Variants in NPNT observed in about 807,000 individuals in gnomAD.
NPNT encodes the protein preosteoblast EGF-like repeat protein with MAM domain.
NPNT carries 45 observed loss-of-function variants against 68.6 expected under a neutral mutation model. That is an observed-to-expected ratio of 0.66 (90% CI 0.52 to 0.84). NPNT has a LOEUF of 0.84. Among genes scored for constraint, NPNT ranks in the 40% least tolerant of loss-of-function variants. The pLI is 0.00. For missense variants in NPNT, 672 were observed against 714.8 expected, an observed-to-expected ratio of 0.94 and a Z score of 0.68; for synonymous variants, 233 against 253.3, an observed-to-expected ratio of 0.92 and a Z score of 0.76.
At chr4:105,915,670 G>A (rs935502550) in intron 2 of NPNT, among the ~76,000 whole-genome samples, 8 of 152,174 alleles carry the variant, frequency 5.3e-5, no homozygotes, top group African/African-American at 1.9e-4. Flanking sequence ...ACATCATTTG[G>A]TGAGCTAGAG....
intron 10 of NPNT, among the ~76,000 whole-genome samples, chr4:105,963,139 C>A (rs946149510): frequency 6.6e-6 from 1 of 152,006 alleles, no homozygotes. Flanking sequence ...GCAGGAGAAT[C>A]GCTTGAGCCT....
At position 105,911,678 on chromosome 4, in the gene NPNT, A is replaced by G. The variant is rs540322965; in HGVS notation, c.172+13677A>G. The stretch of plus-strand genomic sequence containing the variant: ...TGCTGTGGAAGGGAAGAAAAAAATT[A>G]TATTTCCTCCCCAAAGTTGGAGAGA... On this transcript the variant is annotated intron_variant, in intron 2 of 11. Coordinates refer to ENST00000379987, the MANE Select transcript of NPNT (RefSeq NM_001033047.3). 52 of 153,490 alleles carry G rather than the reference A, an allele frequency of 3.4e-4. 1 individual carries two copies. The South Asian group carries it at 0.01, about 31-fold the overall frequency. 9.5% of individuals were successfully genotyped at this position (153,490 alleles called of 1,614,324 possible). A position where few individuals can be genotyped will look rare whatever the true frequency, so the allele number is the denominator to read the frequency against.
At chr4:105,940,677 A>G (rs755992050) in intron 7 of NPNT, 41 bp downstream of exon 7, 10 of 1,590,936 alleles carry the variant, frequency 6.3e-6, no homozygotes, top group African/African-American at 2.7e-5. Flanking sequence ...TCTAGCAGGA[A>G]ATACAGGATT....
intron 2 of NPNT, among the ~76,000 whole-genome samples, chr4:105,905,711 C>A (rs904533587): frequency 1.2e-4 from 18 of 152,168 alleles, no homozygotes; most frequent in Admixed American, 1.2e-3. Flanking sequence ...ACATAACATG[C>A]TGCAATCAAT....
chr4:105,897,828 A>G (rs1437350652), intron 1 of NPNT, 73 bp from the exon 2 acceptor site: 12 of 1,212,804 alleles, frequency 9.9e-6, no homozygotes, highest in Non-Finnish European at 1.4e-5. Flanking sequence ...TTTTTTCTGA[A>G]GTAATAATAC....
Position 105,971,059 on chromosome 4 carries a change from G to C in NPNT, c.*2069G>C, listed in dbSNP as rs905395978. On this transcript the variant is annotated 3_prime_UTR_variant, in exon 12 of 12. Coordinates refer to ENST00000379987, the MANE Select transcript of NPNT (RefSeq NM_001033047.3). Reference sequence around the variant, plus strand: ...TTTTCAATGTTTCTTCATGTTAAAGGTATAAGCCTTTCATTTGTTCAATGG... The same window carrying C: ...TTTTCAATGTTTCTTCATGTTAAAGCTATAAGCCTTTCATTTGTTCAATGG... 1 of 418,558 alleles carries C rather than the reference G, an allele frequency of 2.4e-6. No individual in the cohort carries two copies. The highest frequency in any genetic ancestry group is 4.9e-6 in the Non-Finnish European group (1 of 205,292). The allele number at this position is 418,558 out of a possible 1,614,324, so 25.9% of individuals were successfully genotyped here. A position where few individuals can be genotyped will look rare whatever the true frequency, so the allele number is the denominator to read the frequency against.
In NPNT at chr4:105,940,055, C is replaced by T. The variant is rs201463569; in HGVS notation, c.506-20C>T. 1 of 1,609,974 alleles carries T rather than the reference C, an allele frequency of 6.2e-7. No individual in the cohort carries two copies. The highest frequency in any genetic ancestry group is 2.2e-5 in the East Asian group (1 of 44,842). On this transcript the variant is annotated intron_variant, in intron 5 of 11. Coordinates refer to ENST00000379987, the MANE Select transcript of NPNT (RefSeq NM_001033047.3). ...ACATACCCTTGCTCTTCCTAAAATGCTATTGACTTATGTTTCTAGATGTTG... is the reference window on the plus strand; with the variant it reads ...ACATACCCTTGCTCTTCCTAAAATGTTATTGACTTATGTTTCTAGATGTTG...
At chr4:105,906,500 C>CA (rs112562742) in intron 2 of NPNT, among the ~76,000 whole-genome samples, 21,640 of 152,162 alleles carry the variant, frequency 0.14, 3,226 homozygotes, top group African/African-American at 0.38. Flanking sequence ...AGCTTTCTGA[C>CA]GTTCAGCTAG....
At chr4:105,911,338 A>C (rs1047323931) in intron 2 of NPNT, among the ~76,000 whole-genome samples, 16 of 152,076 alleles carry the variant, frequency 1.1e-4, no homozygotes, top group Non-Finnish European at 1.5e-5. Context: ...TTTTCTTCTT[A>C]TATTACCCAA....
At position 105,971,252 on chromosome 4, in the gene NPNT, G is replaced by A; in HGVS notation, c.*2262G>A. ...GACCTTTCCTTCACCTCATCAGTAT[G>A]ATTCAGTTTCTCTTATCAATTGGAC... On this transcript the variant is annotated 3_prime_UTR_variant, in exon 12 of 12. Coordinates refer to ENST00000379987, the MANE Select transcript of NPNT (RefSeq NM_001033047.3). 2.4e-6 allele frequency: 1 copy of A among 420,246 alleles called. No homozygotes were observed. Among genetic ancestry groups the A allele is most frequent in the Non-Finnish European group, 4.9e-6 (1 of 204,638 alleles). 26.0% of individuals were successfully genotyped at this position (420,246 alleles called of 1,614,324 possible).
chr4:105,942,136 T>TATAC (rs140603677), intron 7 of NPNT, among the ~76,000 whole-genome samples, 171 bp from the exon 8 acceptor site: 1 of 147,740 alleles, frequency 6.8e-6, no homozygotes, highest in East Asian at 2.0e-4. Context: ...TATATATATA[T>TATAC]ACACACATAT....
rs1162855852 is a variant in NPNT, at chr4:105,971,439, C to T, written c.*2449C>T. 1.9e-5 allele frequency: 4 copies of T among 215,294 alleles called. No homozygotes were observed. The highest frequency in any genetic ancestry group is 3.9e-5 in the Non-Finnish European group (4 of 101,890). The allele number at this position is 215,294 out of a possible 1,614,324, so 13.3% of individuals were successfully genotyped here. On this transcript the variant is annotated 3_prime_UTR_variant, in exon 12 of 12. Coordinates refer to ENST00000379987, the MANE Select transcript of NPNT (RefSeq NM_001033047.3). ...GGCTGTAGATCCATTTTTAATGGTT[C>T]ATTTCCTTTATGGTCATATAACTGC...
chr4:105,926,711 G>A (rs752525806), intron 2 of NPNT, among the ~76,000 whole-genome samples: 4 of 152,156 alleles, frequency 2.6e-5, no homozygotes, highest in Non-Finnish European at 5.9e-5. Flanking sequence ...AACTGAGAAC[G>A]TCCTATTTGC....
chr4:105,908,932 G>A (rs1178979143), intron 2 of NPNT, among the ~76,000 whole-genome samples: 1 of 152,172 alleles, frequency 6.6e-6, no homozygotes, highest in Non-Finnish European at 1.5e-5. Flanking sequence ...GGTCAAAGGT[G>A]TGTGTTGCTG....
intron 4 of NPNT, 66 bp from the exon 5 acceptor site, chr4:105,938,235 C>G (rs1729647368): frequency 2.6e-6 from 4 of 1,536,422 alleles, no homozygotes; most frequent in Non-Finnish European, 2.7e-6. Context: ...AGTGAAAAAA[C>G]ATAGCTATTT....
chr4:105,914,367 C>G (rs547616966), intron 2 of NPNT, among the ~76,000 whole-genome samples: 2 of 134,494 alleles, frequency 1.5e-5, no homozygotes, highest in South Asian at 4.7e-4. Context: ...CTCTCTCTCT[C>G]TCTCTCTATA....
Position 105,942,676 on chromosome 4 carries a change from C to G in NPNT, c.1133C>G (p.Pro378Arg). 1 of 1,612,226 alleles carries G rather than the reference C, an allele frequency of 6.2e-7. No homozygotes were observed. Among genetic ancestry groups the G allele is most frequent in the Non-Finnish European group, 8.5e-7 (1 of 1,179,150 alleles). The stretch of plus-strand genomic sequence containing the variant: ...GTTGACAACAGGGTACAGACAGACC[C>G]TCAGAAACCCAGAGGAGATGTGTTC... ...ITVDNRVQTD[P>R]QKPRGDVFIP... Residue 378 changes from proline to arginine, a missense_variant, in exon 8 of 12, where the codon CCT becomes CGT. Physicochemically the swap from Pro to Arg is moderately radical, Grantham distance 103. Transcript: ENST00000379987.
At chr4:105,909,556 T>C (rs1727186724) in intron 2 of NPNT, among the ~76,000 whole-genome samples, 1 of 152,230 alleles carries the variant, frequency 6.6e-6, no homozygotes, top group Non-Finnish European at 1.5e-5. Context: ...TTAATAGTTC[T>C]AAAGTAGTGT....
At position 105,971,374 on chromosome 4, in the gene NPNT, AAAAT is replaced by A. The variant is rs897904729; in HGVS notation, c.*2389_*2392del. On this transcript the variant is annotated 3_prime_UTR_variant, in exon 12 of 12. Transcript: ENST00000379987. ...CTGGTAAAGGCAGGGCTGGAGGGGGAAAATAAATCATTAAGCCTTTGAGTAACGG... is the reference window on the plus strand; with the variant it reads ...CTGGTAAAGGCAGGGCTGGAGGGGGAAAATCATTAAGCCTTTGAGTAACGG... 6.4e-5 allele frequency: 16 copies of A among 249,908 alleles called. No homozygotes were observed. The highest frequency in any genetic ancestry group is 1.4e-4 in the Admixed American group (3 of 21,244). 15.5% of individuals were successfully genotyped at this position (249,908 alleles called of 1,614,324 possible). A position where few individuals can be genotyped will look rare whatever the true frequency, so the allele number is the denominator to read the frequency against.
Sources: allele counts gnomAD v4.1 joint callset (sites outside exome capture counted in the v4.1 genomes callset), GRCh38; gene constraint gnomAD v4.1.1; transcripts MANE v1.5; gene names NCBI Gene and HGNC (gene_info 2026-07-23, HGNC 2026-07-21).